The following GPATCH3 variants were observed in gnomAD, a reference collection of about 807,000 sequenced individuals.
The protein encoded by GPATCH3 is G-patch domain containing 3, also known as G patch domain-containing protein 3.
GPATCH3 carries 45 observed loss-of-function variants against 53.2 expected under a neutral mutation model. That is an observed-to-expected ratio of 0.85 (90% CI 0.67 to 1.08). The LOEUF (loss-of-function observed/expected upper bound fraction) is 1.08. Ranked by LOEUF, GPATCH3 falls within the 50% of genes least tolerant of loss-of-function variation. GPATCH3 has a pLI of 0.00. For missense variants in GPATCH3, 680 were observed against 687.2 expected, an observed-to-expected ratio of 0.99 and a Z score of 0.12; for synonymous variants, 280 against 270.6, an observed-to-expected ratio of 1.03 and a Z score of -0.34.
chr1:26,897,621 G>T lies in GPATCH3; in HGVS notation c.556C>A (p.Pro186Thr), dbSNP rs2286118. ...TTCCCTCTGGGCATCAGCACTGGTGGGTTCAGCTCCGGCAGTTGCTTCAGG... is the reference window on the plus strand; with the variant it reads ...TTCCCTCTGGGCATCAGCACTGGTGTGTTCAGCTCCGGCAGTTGCTTCAGG... ...ADLKQLPELN[P>T]PVLMPRGNVG... The change falls in exon 2 of 7, where the codon CCA (proline) becomes ACA (threonine). Residue 186 changes from proline (P) to threonine (T), a missense_variant. Physicochemically the swap from Pro to Thr is conservative, Grantham distance 38. Transcript: ENST00000361720. The T allele has an allele frequency of 6.2e-7, 1 of 1,614,224 alleles. No individual in the cohort carries two copies. Among genetic ancestry groups the T allele is most frequent in the East Asian group, 2.2e-5 (1 of 44,892 alleles).
intron 1 of GPATCH3, among the ~76,000 whole-genome samples, chr1:26,899,058 C>G (rs1446358243): frequency 6.6e-6 from 1 of 152,184 alleles, no homozygotes; most frequent in East Asian, 1.9e-4. Flanking sequence ...CCCAGAAACA[C>G]CATTCTCTCC....
At chr1:26,891,377 T>C (rs763680189) in intron 6 of GPATCH3, 151 bp from the exon 7 acceptor site, 2 of 630,962 alleles carry the variant, frequency 3.2e-6, no homozygotes, top group Non-Finnish European at 5.5e-6. Context: ...CTCTTATCTA[T>C]CCATTGACAG....
intron 6 of GPATCH3, among the ~76,000 whole-genome samples, chr1:26,891,438 T>C (rs1420305050): frequency 6.6e-6 from 1 of 151,968 alleles, no homozygotes; most frequent in Non-Finnish European, 1.5e-5. Flanking sequence ...CACTACAGAC[T>C]TCCTAATAGT....
chr1:26,897,767 C>G, intron 1 of GPATCH3, 42 bp from the exon 2 acceptor site: 1 of 1,504,262 alleles, frequency 6.6e-7, no homozygotes, highest in Non-Finnish European at 8.9e-7. Flanking sequence ...CCAGAAGCCT[C>G]CAGCAACACT....
intron 4 of GPATCH3, among the ~76,000 whole-genome samples, chr1:26,893,057 TC>T (rs1232172042): frequency 6.6e-6 from 1 of 152,020 alleles, no homozygotes; most frequent in East Asian, 1.9e-4. Context: ...CTTGGCTATT[TC>T]CCCCACCCGG....
Position 26,891,068 on chromosome 1 carries a change from T to A in GPATCH3, c.1520A>T (p.Asp507Val), listed in dbSNP as rs2081922705. 1 of 1,614,016 alleles carries A rather than the reference T, an allele frequency of 6.2e-7. No individual in the cohort carries two copies. The highest frequency in any genetic ancestry group is 1.3e-5 in the African/African-American group (1 of 74,924). Residue 507 changes from aspartate (D) to valine (V), a missense_variant, in exon 7 of 7, where the codon GAC (aspartate) becomes GTC (valine). Asp to Val is a radical substitution (Grantham distance 152). Coordinates refer to ENST00000361720, the MANE Select transcript of GPATCH3 (RefSeq NM_022078.3). ...ACTGGAACCCCTCACAAAGGCCATGTCTGTCCGAAACTTCATGCTGGTGGG... is the reference window on the plus strand; with the variant it reads ...ACTGGAACCCCTCACAAAGGCCATGACTGTCCGAAACTTCATGCTGGTGGG... ...QPPTSMKFRT[D>V]MAFVRGSSCA...
At position 26,891,289 on chromosome 1, in the gene GPATCH3, G is replaced by T. The variant is rs1463711442; in HGVS notation, c.1362-63C>A. ...CAAACTCCAGTTAAAGGGGTTGGGA[G>T]AGGACGGGGAAGTAGTTACTACATA... On this transcript the variant is annotated intron_variant, in intron 6 of 6. Transcript: ENST00000361720. 2.3e-6 allele frequency: 3 copies of T among 1,307,574 alleles called. No homozygotes were observed. The African/African-American group carries it at 4.4e-5, about 19-fold the overall frequency. The allele number at this position is 1,307,574 out of a possible 1,614,324, so 81.0% of individuals were successfully genotyped here. A position where few individuals can be genotyped will look rare whatever the true frequency, so the allele number is the denominator to read the frequency against.
At chr1:26,891,616 G>A (rs1557658914) in intron 6 of GPATCH3, among the ~76,000 whole-genome samples, 1 of 151,966 alleles carries the variant, frequency 6.6e-6, no homozygotes, top group Non-Finnish European at 1.5e-5. Context: ...GCGTGATCTC[G>A]GCTCACTGCA....
chr1:26,896,518 T>C lies in GPATCH3; in HGVS notation c.876+783A>G, dbSNP rs370856319. ...TATCCTGGTTAACACGGTGAAACCC[T>C]GTCTCTACTAAAAATAAAAAAAAAA... On this transcript the variant is annotated intron_variant, in intron 2 of 6. Coordinates refer to ENST00000361720, the MANE Select transcript of GPATCH3 (RefSeq NM_022078.3). 2.0e-3 allele frequency among the ~76,000 whole-genome samples: 252 copies of C among 127,996 alleles called. 1 individual carries two copies. The highest frequency in any genetic ancestry group is 6.3e-3 in the African/African-American group (211 of 33,334). The allele number at this position is 127,996 out of a possible 152,430, so 84.0% of individuals were successfully genotyped here. A position where few individuals can be genotyped will look rare whatever the true frequency, so the allele number is the denominator to read the frequency against.
chr1:26,897,389 G>A lies in GPATCH3; in HGVS notation c.788C>T (p.Thr263Ile), dbSNP rs199874888. ...TAEGEEIPQG[T>I]YLADIPASPC... ...GCTGGCTGGTATATCTGCCAGGTAGGTTCCTTGGGGTATTTCTTCACCCTC... is the reference window on the plus strand; with the variant it reads ...GCTGGCTGGTATATCTGCCAGGTAGATTCCTTGGGGTATTTCTTCACCCTC... The change falls in exon 2 of 7, where the codon ACC becomes ATC. Residue 263 changes from threonine to isoleucine, a missense_variant. By Grantham distance (89) the Thr-to-Ile change is moderately conservative (BLOSUM62 -1). Coordinates refer to ENST00000361720, the MANE Select transcript of GPATCH3 (RefSeq NM_022078.3). The A allele has an allele frequency of 6.8e-6, 11 of 1,614,106 alleles. No individual in the cohort carries two copies. The highest frequency in any genetic ancestry group is 4.5e-5 in the East Asian group (2 of 44,882).
chr1:26,891,551 ATTTAT>A (rs1024371280), intron 6 of GPATCH3, among the ~76,000 whole-genome samples: 17 of 149,930 alleles, frequency 1.1e-4, no homozygotes, highest in Non-Finnish European at 1.9e-4. Context: ...TACTTTATTT[ATTTAT>A]TTATTTCTGA....
At chr1:26,892,003 G>A (rs944765487) in intron 6 of GPATCH3, among the ~76,000 whole-genome samples, 56 of 152,216 alleles carry the variant, frequency 3.7e-4, no homozygotes, top group African/African-American at 1.0e-3. Context: ...CACTGCGCCC[G>A]GCTAATTTTT....
Position 26,897,566 on chromosome 1 carries a change from T to G in GPATCH3, c.611A>C (p.Glu204Ala). 8 of 1,614,150 alleles carry G rather than the reference T, an allele frequency of 5.0e-6. No homozygotes were observed. The highest frequency in any genetic ancestry group is 6.8e-6 in the Non-Finnish European group (8 of 1,180,036). The change falls in exon 2 of 7, where the codon GAG (glutamate) becomes GCG (alanine). Residue 204 changes from glutamate to alanine, a missense_variant. By Grantham distance (107) the Glu-to-Ala change is moderately radical (BLOSUM62 -1). Transcript: ENST00000361720. ...NVGTPLRVFL[E>A]LIRACRLPPR... is the part of the protein sequence containing the mutation. The stretch of plus-strand genomic sequence containing the variant: ...GGGTAGGCGGCAGGCCCGGATCAAC[T>G]CCAAAAAGACCCGCAGGGGAGTCCC...
Position 26,894,422 on chromosome 1 carries a change from G to A in GPATCH3, c.877-12C>T. The A allele has an allele frequency of 6.2e-7, 1 of 1,613,052 alleles. No homozygotes were observed. The highest frequency in any genetic ancestry group is 1.7e-5 in the Admixed American group (1 of 59,940). On this transcript the variant is annotated splice_polypyrimidine_tract_variant and intron_variant, in intron 2 of 6. Coordinates refer to ENST00000361720, the MANE Select transcript of GPATCH3 (RefSeq NM_022078.3). ...CCCCGGTCATCGTCCTAAAAGGCAG[G>A]GAGAGGTGATTTGCCTGAGCTTCCT...
chr1:26,895,513 G>C (rs2081947051), intron 2 of GPATCH3, among the ~76,000 whole-genome samples: 1 of 124,606 alleles, frequency 8.0e-6, no homozygotes, highest in African/African-American at 3.0e-5. Context: ...AATAGAACCA[G>C]AGCCTGCTTA....
rs1225650647 is a variant in GPATCH3 at position 26,892,515 on chromosome 1, C to T, written c.1257G>A (p.Glu419=). ...CCTGGCCCTCAGCCCAGCCCTGCCG[C>T]TCCATCACCTTCCGCCCAATGCCCT... The part of the protein sequence containing the change: ...HTKGIGRKVM[E]RQGWAEGQGL... The change falls in exon 6 of 7, where the codon GAG becomes GAA. Residue 419 remains glutamate, a synonymous_variant. Coordinates refer to ENST00000361720, the MANE Select transcript of GPATCH3 (RefSeq NM_022078.3). The T allele has an allele frequency of 1.4e-5, 22 of 1,613,548 alleles. No homozygotes were observed. The highest frequency in any genetic ancestry group is 1.8e-5 in the Non-Finnish European group (21 of 1,179,620).
chr1:26,895,114 G>C (rs1335971508), intron 2 of GPATCH3, among the ~76,000 whole-genome samples: 2 of 152,162 alleles, frequency 1.3e-5, no homozygotes, highest in Non-Finnish European at 2.9e-5. Context: ...TTTGAGGGCA[G>C]GAAATGGGTC....
chr1:26,891,971 T>G (rs1421048428), intron 6 of GPATCH3, among the ~76,000 whole-genome samples: 1 of 151,690 alleles, frequency 6.6e-6, no homozygotes, highest in Non-Finnish European at 1.5e-5. Flanking sequence ...CCTCCCAAAG[T>G]GCTAGGATTA....
In GPATCH3 at chr1:26,891,192, G is replaced by A; in HGVS notation, c.1396C>T (p.Leu466=). Residue 466 remains leucine, a synonymous_variant, in exon 7 of 7, where the codon CTG becomes TTG. Coordinates refer to ENST00000361720, the MANE Select transcript of GPATCH3 (RefSeq NM_022078.3). The part of the protein sequence containing the change: ...HGEKLQPFGQ[L]KRPRRNGLGL... Reference sequence around the variant, plus strand: ...AAGCCATTTCTACGGGGCCTCTTCAGTTGCCCAAATGGCTGTAGCTTCTCT... The same window carrying A: ...AAGCCATTTCTACGGGGCCTCTTCAATTGCCCAAATGGCTGTAGCTTCTCT... 6.2e-7 allele frequency: 1 copy of A among 1,613,858 alleles called. No homozygotes were observed. The highest frequency in any genetic ancestry group is 8.5e-7 in the Non-Finnish European group (1 of 1,179,914).
Sources: allele counts gnomAD v4.1 joint callset (sites outside exome capture counted in the v4.1 genomes callset), GRCh38; gene constraint gnomAD v4.1.1; transcripts MANE v1.5; gene names NCBI Gene and HGNC (gene_info 2026-07-23, HGNC 2026-07-21).